Variants in RNLS observed in about 807,000 individuals in gnomAD.
RNLS encodes renalase.
In RNLS, 39 loss-of-function variants were observed where a neutral mutation model predicts 39.8. That is an observed-to-expected ratio of 0.98 (90% CI 0.76 to 1.28). The LOEUF (loss-of-function observed/expected upper bound fraction) is 1.28. Ranked by LOEUF, RNLS falls within the 50% of genes most tolerant of loss-of-function variation. The pLI is 0.00. For missense variants in RNLS, 410 were observed against 413.3 expected (o/e 0.99, Z 0.07); for synonymous variants, 147 against 150.7 (o/e 0.98, Z 0.18).
chr10:88,490,236 TG>T (rs1239727154), intron 4 of RNLS, among the ~76,000 whole-genome samples: 1 of 152,190 alleles, frequency 6.6e-6, no homozygotes, highest in Non-Finnish European at 1.5e-5. Flanking sequence ...AACGTTATTT[TG>T]TAATACGTGA....
chr10:88,457,100 T>C (rs539969078), intron 4 of RNLS, among the ~76,000 whole-genome samples: 9 of 152,306 alleles, frequency 5.9e-5, no homozygotes, highest in Admixed American at 2.0e-4. Flanking sequence ...CTGAAGCCCT[T>C]GTGAAACCTC....
intron 5 of RNLS, among the ~76,000 whole-genome samples, chr10:88,341,075 A>AAAAC: frequency 6.7e-6 from 1 of 150,242 alleles, no homozygotes; most frequent in African/African-American, 2.5e-5. Flanking sequence ...AAAAAAACAA[A>AAAAC]AAACAGCAAT....
the RNLS span, among the ~76,000 whole-genome samples, chr10:88,242,709 G>A: frequency 5.3e-5 from 8 of 152,174 alleles, no homozygotes; most frequent in African/African-American, 7.2e-5. Context: ...TCAGCACTTT[G>A]GGAGGCTGAG....
At chr10:88,203,138 T>C in the RNLS span, among the ~76,000 whole-genome samples, 1 of 150,674 alleles carries the variant, frequency 6.6e-6, no homozygotes, top group African/African-American at 2.4e-5. Context: ...TCCACCTGTG[T>C]AAATGATGGG....
intron 4 of RNLS, among the ~76,000 whole-genome samples, chr10:88,505,277 A>T (rs892864723): frequency 6.6e-6 from 1 of 152,056 alleles, no homozygotes; most frequent in Non-Finnish European, 1.5e-5. Flanking sequence ...AATTAAAAAA[A>T]AAAAGAATCT....
chr10:88,194,676 T>C, the RNLS span, among the ~76,000 whole-genome samples: 2 of 152,220 alleles, frequency 1.3e-5, no homozygotes. Context: ...GGAGAAATGA[T>C]TAAAAATGGA....
At chr10:88,294,227 A>G (rs868499818) in intron 6 of RNLS, among the ~76,000 whole-genome samples, 7 of 152,210 alleles carry the variant, frequency 4.6e-5, no homozygotes, top group Admixed American at 2.0e-4. Context: ...GCCTGTTTAC[A>G]CACACAGGGA....
chr10:88,238,613 C>T, the RNLS span, among the ~76,000 whole-genome samples: 2 of 152,204 alleles, frequency 1.3e-5, no homozygotes, highest in Admixed American at 1.3e-4. Context: ...AAAATAGGGA[C>T]TTGCTCCTTG....
At position 88,394,248 on chromosome 10, in the gene RNLS, G is replaced by A. The variant is rs1296605517; in HGVS notation, c.527-31523C>T. Among the ~76,000 whole-genome samples the A allele has an allele frequency of 2.0e-5, 3 of 152,134 alleles. No individual in the cohort carries two copies. In the South Asian group the frequency reaches 6.2e-4, roughly 31 times the overall value. ...CAACAAAAGAAACTACCATCAGAGT[G>A]AACAGGCAACCTATAGCATGGGAGA... is the stretch of plus-strand genomic sequence containing the variant. On this transcript the variant is annotated intron_variant, in intron 4 of 6. Transcript: ENST00000331772.
At chr10:88,552,176 TCAAGTAA>T (rs1848635294) in intron 4 of RNLS, among the ~76,000 whole-genome samples, 1 of 152,074 alleles carries the variant, frequency 6.6e-6, no homozygotes, top group Admixed American at 6.6e-5. Context: ...CTCAGAGAGA[TCAAGTAA>T]CTGTCCCCAA....
rs538284500 is a variant in RNLS at position 88,506,173 on chromosome 10, A to C, written c.526+66730T>G. Among the ~76,000 whole-genome samples, 174 of 152,266 alleles carry C rather than the reference A, an allele frequency of 1.1e-3. 1 individual carries two copies. The highest frequency in any genetic ancestry group is 4.0e-3 in the African/African-American group (167 of 41,578). The stretch of plus-strand genomic sequence containing the variant: ...TCTACTGACCTGAACTCTTCAAAAA[A>C]GTCAAGTTCACAAAGAACAAAAAAA... On this transcript the variant is annotated intron_variant, in intron 4 of 6. Transcript: ENST00000331772.
chr10:88,455,332 G>C (rs1218460137), intron 4 of RNLS, among the ~76,000 whole-genome samples: 3 of 152,146 alleles, frequency 2.0e-5, no homozygotes, highest in Non-Finnish European at 4.4e-5. Flanking sequence ...AGGGCAACTA[G>C]TTCAGATATT....
the RNLS span, among the ~76,000 whole-genome samples, chr10:88,217,765 C>A: frequency 1.3e-5 from 1 of 79,864 alleles, no homozygotes; most frequent in East Asian, 3.1e-4. Context: ...GAGGGCTGGG[C>A]GCAGTGGCTC....
chr10:88,297,781 T>C (rs1464690964), intron 6 of RNLS, among the ~76,000 whole-genome samples: 1 of 152,218 alleles, frequency 6.6e-6, no homozygotes, highest in Admixed American at 6.5e-5. Context: ...GGCTAAAGTG[T>C]GTTGTTGTGA....
exon 7 of RNLS, chr10:88,273,938 CACAT>C (rs1312621245): frequency 6.6e-6 from 1 of 152,122 alleles, no homozygotes; most frequent in Non-Finnish European, 1.5e-5. Flanking sequence ...AATATAAACA[CACAT>C]ACATAAACAT....
At chr10:88,356,763 T>C (rs1849224531) in intron 5 of RNLS, among the ~76,000 whole-genome samples, 1 of 152,130 alleles carries the variant, frequency 6.6e-6, no homozygotes, top group Non-Finnish European at 1.5e-5. Context: ...TCATTATGGC[T>C]ATTGGCCATC....
chr10:88,256,740 C>G, the RNLS span, among the ~76,000 whole-genome samples: 1 of 152,130 alleles, frequency 6.6e-6, no homozygotes, highest in Non-Finnish European at 1.5e-5. Context: ...GCCTGCTTTG[C>G]CCCTCTGGTG....
chr10:88,184,550 A>G, the RNLS span, among the ~76,000 whole-genome samples: 1 of 152,066 alleles, frequency 6.6e-6, no homozygotes, highest in Non-Finnish European at 1.5e-5. Context: ...GAGAAAAAGA[A>G]CTGAATTTAG....
intron 4 of RNLS, among the ~76,000 whole-genome samples, chr10:88,460,815 G>A (rs1842900325): frequency 6.6e-6 from 1 of 152,120 alleles, no homozygotes; most frequent in South Asian, 2.1e-4. Flanking sequence ...TCAGTCACCA[G>A]TGATCCTGTA....
Sources: gnomAD v4.1 joint callset for allele counts (sites outside exome capture counted in the v4.1 genomes callset) on GRCh38, gnomAD v4.1.1 for gene constraint, MANE v1.5 for transcripts, NCBI Gene and HGNC (gene_info 2026-07-23, HGNC 2026-07-21) for gene names.